The following PDE7A variants were observed in gnomAD, a reference collection of about 807,000 sequenced individuals.
PDE7A encodes phosphodiesterase 7A, also known as high affinity 3',5'-cyclic-AMP phosphodiesterase 7A.
Under a neutral mutation model 64.3 loss-of-function variants are expected in PDE7A, and 39 were observed. The ratio of observed to expected loss-of-function variants is 0.61; its 90% confidence interval spans 0.47 to 0.79. The LOEUF (loss-of-function observed/expected upper bound fraction) is 0.79, where lower values mean the gene tolerates loss of function less well. Ranked by LOEUF, PDE7A falls within the 30% of genes least tolerant of loss-of-function variation. The pLI is 0.00. For missense variants in PDE7A, 470 were observed against 582.8 expected, an observed-to-expected ratio of 0.81 and a Z score of 1.99; for synonymous variants, 203 against 206.8, an observed-to-expected ratio of 0.98 and a Z score of 0.16.
rs1483937140 is a variant in PDE7A, at chr8:65,714,702, A to G, written c.*4588T>C. On this transcript the variant is annotated 3_prime_UTR_variant, in exon 13 of 13. Coordinates refer to ENST00000401827, the MANE Select transcript of PDE7A (RefSeq NM_001242318.3). ...TGAGGGGATTTTAAACAACATTTAT[A>G]CATTAAAATATTTATACATGCTTGA... 6.6e-6 allele frequency: 1 copy of G among 152,202 alleles called. No homozygotes were observed. The highest frequency in any genetic ancestry group is 1.9e-4 in the East Asian group (1 of 5,192). The allele number at this position is 152,202 out of a possible 1,614,324, so 9.4% of individuals were successfully genotyped here.
intron 3 of PDE7A, among the ~76,000 whole-genome samples, chr8:65,751,497 G>T (rs1407724254): frequency 4.0e-5 from 6 of 150,988 alleles, no homozygotes; most frequent in Non-Finnish European, 8.8e-5. Context: ...CTTTTCTCGA[G>T]TTTCATCTCT....
At chr8:65,781,076 G>A (rs1809403112) in intron 2 of PDE7A, 2 of 152,230 alleles carry the variant, frequency 1.3e-5, no homozygotes, top group Admixed American at 6.5e-5. Context: ...CCAAATTTCA[G>A]TCTATGGAAG....
intron 6 of PDE7A, among the ~76,000 whole-genome samples, chr8:65,739,238 C>T (rs1315149428): frequency 2.0e-5 from 3 of 152,180 alleles, no homozygotes; most frequent in Admixed American, 6.5e-5. Flanking sequence ...GGCCTGGTAT[C>T]CTAGCTGAGG....
chr8:65,793,445 A>G (rs1173788374), intron 1 of PDE7A, among the ~76,000 whole-genome samples: 1 of 151,828 alleles, frequency 6.6e-6, no homozygotes, highest in Non-Finnish European at 1.5e-5. Context: ...AATAAATTGC[A>G]TACCTATAAA....
chr8:65,795,947 TG>T (rs953928818), intron 1 of PDE7A, among the ~76,000 whole-genome samples: 38 of 148,330 alleles, frequency 2.6e-4, no homozygotes, highest in African/African-American at 8.6e-4. Context: ...ATGTACACAA[TG>T]AAAAAAAAGA....
Position 65,841,451 on chromosome 8 carries a change from C to T in PDE7A, c.58G>A (p.Val20Ile), listed in dbSNP as rs1383908517. Reference sequence around the variant, plus strand: ...CTGATGGCTCCTCGGCGGCTGAGGACGTGCTGGGGGACCGGCCTGTCCAGG... The same window carrying T: ...CTGATGGCTCCTCGGCGGCTGAGGATGTGCTGGGGGACCGGCCTGTCCAGG... ...LPLDRPVPQH[V>I]LSRRGAISFS... The change falls in exon 1 of 13, where the codon GTC becomes ATC. Residue 20 changes from valine (V) to isoleucine (I), a missense_variant. Physicochemically the swap from Val to Ile is conservative, Grantham distance 29. Transcript: ENST00000401827. The T allele has an allele frequency of 4.5e-6, 7 of 1,565,016 alleles. No homozygotes were observed. In the East Asian group the frequency reaches 1.6e-4, roughly 35 times the overall value.
intron 1 of PDE7A, among the ~76,000 whole-genome samples, chr8:65,783,344 C>T (rs566670364): frequency 3.3e-5 from 5 of 152,228 alleles, no homozygotes; most frequent in Admixed American, 1.3e-4. Flanking sequence ...ACGTTACTTT[C>T]GAGAGTCATC....
In PDE7A at chr8:65,716,493, C is replaced by CCCTG. The variant is rs1368872320; in HGVS notation, c.*2793_*2796dup. Among the ~76,000 whole-genome samples, 1 of 152,004 alleles carries CCCTG rather than the reference C, an allele frequency of 6.6e-6. No individual in the cohort carries two copies. The highest frequency in any genetic ancestry group is 6.6e-5 in the Admixed American group (1 of 15,258). On this transcript the variant is annotated 3_prime_UTR_variant, in exon 13 of 13. Coordinates refer to ENST00000401827, the MANE Select transcript of PDE7A (RefSeq NM_001242318.3). ...TAGCACCTTCCAGGGGAAGAGGGTA[C>CCCTG]CCTGGTCCACAAACATGAATATCAC...
chr8:65,820,422 C>T (rs1053400232), intron 1 of PDE7A, among the ~76,000 whole-genome samples: 6 of 151,854 alleles, frequency 4.0e-5, no homozygotes, highest in Non-Finnish European at 8.8e-5. Context: ...ATTATATCCC[C>T]CAAAGCTATA....
chr8:65,764,806 CAT>C (rs2128916638), intron 3 of PDE7A, among the ~76,000 whole-genome samples: 1 of 152,276 alleles, frequency 6.6e-6, no homozygotes, highest in Non-Finnish European at 1.5e-5. Context: ...ATCAAATACA[CAT>C]GAGGAACTAA....
intron 3 of PDE7A, among the ~76,000 whole-genome samples, chr8:65,748,679 G>A (rs947452331): frequency 3.9e-5 from 6 of 152,280 alleles, no homozygotes; most frequent in Non-Finnish European, 7.4e-5. Flanking sequence ...AGGTGAAATG[G>A]AAGGTAATCA....
intron 4 of PDE7A, 60 bp from the exon 5 acceptor site, chr8:65,745,530 G>A: frequency 2.2e-6 from 2 of 916,190 alleles, no homozygotes; most frequent in Non-Finnish European, 3.6e-6. Flanking sequence ...GTCTTTTGGA[G>A]ATATTCCATA....
Position 65,782,798 on chromosome 8 carries a change from A to G in PDE7A, c.184T>C (p.Tyr62His). ...SYDSSDQTAL[Y>H]IRMLGDVRVR... ...TAATGCTTACCTAGCATACGAATGT[A>G]TAATGCAGTCTGATCAGAACTGTCA... Residue 62 changes from tyrosine to histidine, a missense_variant, in exon 2 of 13, where the codon TAC becomes CAC. Physicochemically the swap from Tyr to His is moderately conservative, Grantham distance 83 (BLOSUM62 2). Transcript: ENST00000401827. 6.3e-7 allele frequency: 1 copy of G among 1,585,908 alleles called. No homozygotes were observed. The highest frequency in any genetic ancestry group is 2.2e-5 in the East Asian group (1 of 44,658).
chr8:65,765,871 C>T (rs866352386), intron 3 of PDE7A, among the ~76,000 whole-genome samples: 21 of 152,166 alleles, frequency 1.4e-4, no homozygotes, highest in Middle Eastern at 3.4e-3. Context: ...ATCTCTTATA[C>T]GTTAAAAATA....
rs1052210619 is a variant in PDE7A at position 65,829,429 on chromosome 8, C to G, written c.138+11942G>C. Among the ~76,000 whole-genome samples, 8 of 152,042 alleles carry G rather than the reference C, an allele frequency of 5.3e-5. 1 individual carries two copies. The highest frequency in any genetic ancestry group is 1.4e-4 in the African/African-American group (6 of 41,418). On this transcript the variant is annotated intron_variant, in intron 1 of 12. Transcript: ENST00000401827. ...AGTGTGTTTGTACTCTTAACTTTTT[C>G]AAACGATTACTGGGCCATAAACAGA...
Position 65,841,629 on chromosome 8 carries a change from C to G in PDE7A, c.-121G>C, listed in dbSNP as rs1014703400. 4 of 275,954 alleles carry G rather than the reference C, an allele frequency of 1.4e-5. No individual in the cohort carries two copies. The highest frequency in any genetic ancestry group is 2.4e-5 in the Non-Finnish European group (4 of 167,608). 17.1% of individuals were successfully genotyped at this position (275,954 alleles called of 1,614,324 possible). On this transcript the variant is annotated 5_prime_UTR_variant, in exon 1 of 13. Transcript: ENST00000401827. ...AGACGGGGGCAGGGCGGGCGGGGAC[C>G]GACCCCGGGCTGGGAAGCCGCGCTC...
intron 1 of PDE7A, among the ~76,000 whole-genome samples, chr8:65,798,196 ATATATATATATT>A (rs1809893405): frequency 4.5e-5 from 1 of 22,112 alleles, no homozygotes; most frequent in Non-Finnish European, 7.7e-5. Context: ...ATATATATAT[ATATATATATATT>A]TTTTTTTTTT....
At chr8:65,766,182 G>A (rs1808770982) in intron 3 of PDE7A, among the ~76,000 whole-genome samples, 1 of 152,184 alleles carries the variant, frequency 6.6e-6, no homozygotes, top group Non-Finnish European at 1.5e-5. Context: ...CTGACCTCAG[G>A]TGATCCACCC....
intron 1 of PDE7A, among the ~76,000 whole-genome samples, chr8:65,832,374 G>T (rs1810849083): frequency 6.6e-6 from 1 of 152,036 alleles, no homozygotes; most frequent in South Asian, 2.1e-4. Context: ...ATAATGGGAT[G>T]AATAAACTTG....
Sources: allele counts gnomAD v4.1 joint callset (sites outside exome capture counted in the v4.1 genomes callset), GRCh38; gene constraint gnomAD v4.1.1; transcripts MANE v1.5; gene names NCBI Gene and HGNC (gene_info 2026-07-23, HGNC 2026-07-21).